Variants in OR7E24 observed in about 807,000 individuals in gnomAD.
The protein encoded by OR7E24 is olfactory receptor family 7 subfamily E member 24, also known as olfactory receptor 7E24.
For missense variants in OR7E24, 385 were observed against 410.3 expected (o/e 0.94, Z 0.53); for synonymous variants, 130 against 157.5 (o/e 0.83, Z 1.31).
the OR7E24 span, among the ~76,000 whole-genome samples, chr19:9,215,787 G>A: frequency 2.0e-5 from 3 of 151,982 alleles, no homozygotes; most frequent in South Asian, 4.2e-4. Flanking sequence ...ACTCTTCCAA[G>A]GTATAGCATA....
chr19:9,226,617 A>G, the OR7E24 span, among the ~76,000 whole-genome samples: 1 of 152,284 alleles, frequency 6.6e-6, no homozygotes, highest in Non-Finnish European at 1.5e-5. Flanking sequence ...AGCTAAAAAC[A>G]TAAAGTACAT....
chr19:9,235,712 C>T, the OR7E24 span: 1 of 1,605,234 alleles, frequency 6.2e-7, no homozygotes, highest in Non-Finnish European at 8.5e-7. Context: ...GTGGCCCGCT[C>T]TGATGCTCTC....
chr19:9,235,076 C>G, the OR7E24 span: 1 of 617,672 alleles, frequency 1.6e-6, no homozygotes, highest in Non-Finnish European at 2.8e-6. Flanking sequence ...GAAGTTGCAT[C>G]CAAGGGTGAT....
At chr19:9,213,557 G>A in the OR7E24 span, 1 of 269,774 alleles carries the variant, frequency 3.7e-6, no homozygotes, top group East Asian at 9.7e-5. Flanking sequence ...GAACAGTATG[G>A]TGGAACCCTG....
the OR7E24 span, among the ~76,000 whole-genome samples, chr19:9,216,867 C>T: frequency 2.0e-5 from 3 of 152,226 alleles, no homozygotes; most frequent in Non-Finnish European, 2.9e-5. Flanking sequence ...GCTGAGATTA[C>T]AGGCATGAGC....
chr19:9,224,966 T>G, the OR7E24 span, among the ~76,000 whole-genome samples: 4 of 152,096 alleles, frequency 2.6e-5, no homozygotes, highest in Admixed American at 2.6e-4. Flanking sequence ...CAATCAATGG[T>G]CAAATGCAAC....
the OR7E24 span, among the ~76,000 whole-genome samples, chr19:9,228,471 G>A: frequency 2.1e-5 from 3 of 142,900 alleles, no homozygotes; most frequent in South Asian, 2.1e-4. Flanking sequence ...TCTTCTCTCC[G>A]CTTCCCTAAA....
At chr19:9,221,683 C>G in the OR7E24 span, among the ~76,000 whole-genome samples, 1 of 152,012 alleles carries the variant, frequency 6.6e-6, no homozygotes, top group Non-Finnish European at 1.5e-5. Flanking sequence ...GGGTCGTTTT[C>G]TTCCTACTGA....
the OR7E24 span, chr19:9,211,158 G>C: frequency 6.6e-6 from 1 of 152,336 alleles, no homozygotes; most frequent in Non-Finnish European, 1.5e-5. Context: ...GCATATGTGA[G>C]CTGCCCCATG....
At position 9,251,959 on chromosome 19, in the gene OR7E24, T is replaced by C; in HGVS notation, c.916T>C (p.Phe306Leu). 1 of 1,614,164 alleles carries C rather than the reference T, an allele frequency of 6.2e-7. No homozygotes were observed. Among genetic ancestry groups the C allele is most frequent in the South Asian group, 1.1e-5 (1 of 91,082 alleles). ...YTVVTPMLNP[F>L]IYSLRNKDIQ... ...TGTGGTCACCCCCATGCTGAACCCCTTCATCTACAGCCTGAGGAACAAGGA... is the reference window on the plus strand; with the variant it reads ...TGTGGTCACCCCCATGCTGAACCCCCTCATCTACAGCCTGAGGAACAAGGA... Residue 306 changes from phenylalanine to leucine, a missense_variant, in exon 1 of 1, where the codon TTC becomes CTC. Physicochemically the swap from Phe to Leu is conservative, Grantham distance 22 (BLOSUM62 0). Transcript: ENST00000456448.
At chr19:9,231,366 G>T in the OR7E24 span, among the ~76,000 whole-genome samples, 1 of 152,104 alleles carries the variant, frequency 6.6e-6, no homozygotes, top group African/African-American at 2.4e-5. Flanking sequence ...TGGATCATGA[G>T]GTCACGAGAT....
chr19:9,241,286 C>T, the OR7E24 span, among the ~76,000 whole-genome samples: 17 of 152,114 alleles, frequency 1.1e-4, no homozygotes. Context: ...AGGGTTCAAT[C>T]TGTCTAAGTG....
At chr19:9,220,559 A>G in the OR7E24 span, among the ~76,000 whole-genome samples, 28 of 152,240 alleles carry the variant, frequency 1.8e-4, no homozygotes, top group Admixed American at 2.0e-4. Context: ...TGTTTTATGG[A>G]TGAATCATAT....
chr19:9,245,994 T>G (rs1190358708), upstream of OR7E24, among the ~76,000 whole-genome samples: 4 of 151,346 alleles, frequency 2.6e-5, no homozygotes, highest in African/African-American at 9.7e-5. Context: ...CTGGTGAGTG[T>G]GTATATATAT....
the OR7E24 span, among the ~76,000 whole-genome samples, chr19:9,232,314 C>T: frequency 1.3e-5 from 2 of 151,806 alleles, no homozygotes. Flanking sequence ...CCGAGGTGGA[C>T]GGATCACGAG....
the OR7E24 span, chr19:9,206,787 T>C: frequency 6.6e-6 from 1 of 152,346 alleles, no homozygotes; most frequent in African/African-American, 2.4e-5. Flanking sequence ...CGTGTGGAAA[T>C]TATTTACATA....
chr19:9,232,326 T>C, the OR7E24 span, among the ~76,000 whole-genome samples: 6 of 151,654 alleles, frequency 4.0e-5, no homozygotes, highest in Admixed American at 1.3e-4. Context: ...GATCACGAGG[T>C]CAGGAGATAG....
chr19:9,249,805 C>T (rs7249482), upstream of OR7E24, among the ~76,000 whole-genome samples: 25,894 of 151,778 alleles, frequency 0.17, 3,451 homozygotes, highest in African/African-American at 0.37. Context: ...ATACAAAAAT[C>T]AGCTGTGCAT....
At chr19:9,248,898 A>G (rs1376364187), upstream of OR7E24, among the ~76,000 whole-genome samples, 1 of 152,210 alleles carries the variant, frequency 6.6e-6, no homozygotes, top group African/African-American at 2.4e-5. Context: ...AAGACCAACC[A>G]TTTAATTCCA....
Sources: allele counts gnomAD v4.1 joint callset (sites outside exome capture counted in the v4.1 genomes callset), GRCh38; gene constraint gnomAD v4.1.1; transcripts MANE v1.5; gene names NCBI Gene and HGNC (gene_info 2026-07-23, HGNC 2026-07-21).